Variants in NKAIN3 observed in about 807,000 individuals in gnomAD.
NKAIN3 encodes the protein sodium/potassium transporting ATPase interacting 3, also known as sodium/potassium-transporting ATPase subunit beta-1-interacting protein 3.
Under a neutral mutation model 30.2 loss-of-function variants are expected in NKAIN3, and 25 were observed. That is an observed-to-expected ratio of 0.83 (90% CI 0.60 to 1.16). The LOEUF (loss-of-function observed/expected upper bound fraction) is 1.16. NKAIN3 is among the 50% of genes most tolerant of loss of function. The probability of loss-of-function intolerance (pLI) is 0.00; values close to 1 mark genes in which losing one functional copy is unlikely to be tolerated. For missense variants in NKAIN3, 225 were observed against 254.1 expected (o/e 0.89, Z 0.78); for synonymous variants, 91 against 89.6 (o/e 1.02, Z -0.09).
At chr8:62,554,914 G>C (rs1299752303) in intron 1 of NKAIN3, among the ~76,000 whole-genome samples, 2 of 151,756 alleles carry the variant, frequency 1.3e-5, no homozygotes, top group Non-Finnish European at 2.9e-5. Flanking sequence ...CTAAATATAA[G>C]TGAGATTATG....
chr8:62,671,396 T>C (rs997394044), intron 3 of NKAIN3, among the ~76,000 whole-genome samples: 1 of 152,152 alleles, frequency 6.6e-6, no homozygotes, highest in African/African-American at 2.4e-5. Context: ...AGAATAGAGA[T>C]AAGTAAGCAC....
At chr8:62,867,741 G>T (rs987798336) in intron 4 of NKAIN3, among the ~76,000 whole-genome samples, 6 of 152,158 alleles carry the variant, frequency 3.9e-5, no homozygotes, top group South Asian at 2.1e-4. Flanking sequence ...ATAGCCTAGC[G>T]TTTAACCGAT....
chr8:62,862,981 A>G, intron 4 of NKAIN3: 1 of 495,582 alleles, frequency 2.0e-6, no homozygotes, highest in Non-Finnish European at 3.7e-6. Context: ...ATGTGTGTGC[A>G]TGTGTATGCA....
chr8:62,500,599 G>A (rs989501757), intron 1 of NKAIN3, among the ~76,000 whole-genome samples: 9 of 152,078 alleles, frequency 5.9e-5, no homozygotes. Flanking sequence ...ACTGAAAAGA[G>A]CCACTCAGCA....
chr8:62,812,698 T>A (rs911239526), intron 4 of NKAIN3, among the ~76,000 whole-genome samples: 2 of 151,872 alleles, frequency 1.3e-5, no homozygotes, highest in African/African-American at 2.4e-5. Flanking sequence ...ATTGGTATGC[T>A]TTTTACTACA....
intron 3 of NKAIN3, among the ~76,000 whole-genome samples, chr8:62,610,897 T>C (rs1563482578): frequency 6.6e-6 from 1 of 152,130 alleles, no homozygotes; most frequent in Non-Finnish European, 1.5e-5. Flanking sequence ...TATGTACATA[T>C]AGTTTCATAG....
chr8:62,903,925 A>G (rs779295328), intron 4 of NKAIN3, among the ~76,000 whole-genome samples: 3 of 152,124 alleles, frequency 2.0e-5, no homozygotes, highest in African/African-American at 7.2e-5. Flanking sequence ...AACCACCCCC[A>G]TGATTCAATT....
chr8:62,391,124 A>G (rs983839672), intron 1 of NKAIN3, among the ~76,000 whole-genome samples: 2 of 152,106 alleles, frequency 1.3e-5, no homozygotes, highest in African/African-American at 4.8e-5. Context: ...GCCCGTTCCT[A>G]TGTCCAGAAT....
chr8:62,728,514 T>G (rs1815332099), intron 3 of NKAIN3, among the ~76,000 whole-genome samples: 1 of 53,350 alleles, frequency 1.9e-5, no homozygotes, highest in Non-Finnish European at 6.0e-5. Flanking sequence ...AAATACAAAA[T>G]TAGCTGGGCA....
chr8:62,918,530 C>G lies in NKAIN3; in HGVS notation c.532+17C>G. On this transcript the variant is annotated intron_variant, in intron 5 of 6. Coordinates refer to ENST00000623646, the MANE Select transcript of NKAIN3 (RefSeq NM_001304533.3). ...AAGACACATGTAAGTACTGTTTTCT[C>G]TCTCCCTGTGGGTTCCTTTTGAATG... 1 of 1,576,234 alleles carries G rather than the reference C, an allele frequency of 6.3e-7. No homozygotes were observed. The highest frequency in any genetic ancestry group is 2.2e-5 in the East Asian group (1 of 44,632).
chr8:62,544,096 G>C (rs1363321367), intron 1 of NKAIN3, among the ~76,000 whole-genome samples: 2 of 151,970 alleles, frequency 1.3e-5, no homozygotes, highest in Non-Finnish European at 2.9e-5. Context: ...CTGCCTCCGG[G>C]GCTCAAGAGA....
At chr8:62,262,843 C>A (rs1225676328) in intron 1 of NKAIN3, among the ~76,000 whole-genome samples, 2 of 152,092 alleles carry the variant, frequency 1.3e-5, no homozygotes, top group Non-Finnish European at 2.9e-5. Flanking sequence ...TTGGCTCAAC[C>A]AAAAGTGTCT....
intron 4 of NKAIN3, among the ~76,000 whole-genome samples, chr8:62,799,688 C>G (rs1234986153): frequency 6.6e-6 from 1 of 152,200 alleles, no homozygotes; most frequent in Non-Finnish European, 1.5e-5. Flanking sequence ...AGCAATCCCA[C>G]TACTACTTAT....
intron 4 of NKAIN3, chr8:62,856,971 AC>A (rs1396760725): frequency 1.8e-6 from 1 of 540,566 alleles, no homozygotes; most frequent in African/African-American, 1.9e-5. Context: ...CAAAAAAAAA[AC>A]AAACTATCTC....
intron 1 of NKAIN3, among the ~76,000 whole-genome samples, chr8:62,419,880 C>A (rs772748883): frequency 1.3e-5 from 2 of 152,140 alleles, no homozygotes; most frequent in Non-Finnish European, 2.9e-5. Context: ...GGTGCCCATC[C>A]TTGTTTTTTC....
intron 4 of NKAIN3, among the ~76,000 whole-genome samples, chr8:62,788,677 G>T (rs1196403538): frequency 3.3e-5 from 5 of 151,728 alleles, no homozygotes; most frequent in African/African-American, 7.3e-5. Context: ...GGTCTAACAT[G>T]TAAGTCTTTA....
chr8:62,400,169 T>TC (rs1817891135), intron 1 of NKAIN3, among the ~76,000 whole-genome samples: 1 of 146,694 alleles, frequency 6.8e-6, no homozygotes, highest in Non-Finnish European at 1.5e-5. Context: ...TTTTCTTTTT[T>TC]TTTTTTTTTT....
chr8:62,274,649 G>T (rs913364396), intron 1 of NKAIN3, among the ~76,000 whole-genome samples: 2 of 151,832 alleles, frequency 1.3e-5, no homozygotes, highest in Non-Finnish European at 2.9e-5. Context: ...CAATGTGCAG[G>T]TTTGTTACAT....
intron 1 of NKAIN3, among the ~76,000 whole-genome samples, chr8:62,359,716 C>A (rs1426517247): frequency 1.3e-5 from 2 of 152,196 alleles, no homozygotes; most frequent in African/African-American, 4.8e-5. Context: ...TTTTATGCTT[C>A]CTAAACCTCC....
Sources: gnomAD v4.1 joint callset for allele counts (sites outside exome capture counted in the v4.1 genomes callset) on GRCh38, gnomAD v4.1.1 for gene constraint, MANE v1.5 for transcripts, NCBI Gene and HGNC (gene_info 2026-07-23, HGNC 2026-07-21) for gene names.